Variants in TRANK1 observed in about 807,000 individuals in gnomAD.
The protein encoded by TRANK1 is TPR and ankyrin repeat-containing protein 1.
A neutral mutation model predicts 266.0 loss-of-function variants in TRANK1; 198 were observed. That is an observed-to-expected ratio of 0.74 (90% CI 0.66 to 0.84). The LOEUF (loss-of-function observed/expected upper bound fraction) is 0.84. TRANK1 is among the 40% of genes least tolerant of loss of function. The pLI, the probability that TRANK1 is intolerant of heterozygous loss-of-function variation, is 0.00. For synonymous variants in TRANK1, 1,396 were observed against 1,384.1 expected, an observed-to-expected ratio of 1.01 and a Z score of -0.19; for missense variants, 3,326 against 3,634.6, an observed-to-expected ratio of 0.92 and a Z score of 2.18.
At chr3:36,908,732 C>A (rs1182569724) in intron 1 of TRANK1, among the ~76,000 whole-genome samples, 2 of 152,194 alleles carry the variant, frequency 1.3e-5, no homozygotes, top group Non-Finnish European at 2.9e-5. Context: ...ATGCATGAGA[C>A]AACATAAACC....
Position 36,895,750 on chromosome 3 carries a change from T to C in TRANK1, c.442A>G (p.Ile148Val). The C allele has an allele frequency of 1.3e-6, 2 of 1,529,270 alleles. No homozygotes were observed. The highest frequency in any genetic ancestry group is 1.7e-6 in the Non-Finnish European group (2 of 1,143,758). The allele number at this position is 1,529,270 out of a possible 1,614,324, so 94.7% of individuals were successfully genotyped here. ...GVFTTMSSDS[I>V]VLQSFLPCFD... ...CAAGGCAAGAAACTTTGCAAAACAATGGAGTCACCTAAAAGAAAGTTTCAT... is the reference window on the plus strand; with the variant it reads ...CAAGGCAAGAAACTTTGCAAAACAACGGAGTCACCTAAAAGAAAGTTTCAT... The change falls in exon 5 of 24, where the codon ATT becomes GTT. Residue 148 changes from isoleucine (I) to valine (V), a missense_variant. Ile to Val is a conservative substitution (Grantham distance 29). Coordinates refer to ENST00000645898, the MANE Select transcript of TRANK1 (RefSeq NM_001329998.2).
intron 10 of TRANK1, among the ~76,000 whole-genome samples, chr3:36,861,611 GATAA>G (rs2079143322): frequency 6.6e-6 from 1 of 151,574 alleles, no homozygotes. Flanking sequence ...TTTTTATCAT[GATAA>G]ATAAATGTTT....
intron 1 of TRANK1, among the ~76,000 whole-genome samples, chr3:36,937,904 G>A (rs2080445365): frequency 6.6e-6 from 1 of 152,162 alleles, no homozygotes. Context: ...GATAATAGCA[G>A]CCCAGGCATC....
At position 36,858,605 on chromosome 3, in the gene TRANK1, G is replaced by A. The variant is rs931544625; in HGVS notation, c.1672+113C>T. The A allele has an allele frequency of 6.3e-6, 8 of 1,263,762 alleles. No homozygotes were observed. In the Admixed American group the frequency reaches 2.5e-4, roughly 40 times the overall value. The allele number at this position is 1,263,762 out of a possible 1,614,324, so 78.3% of individuals were successfully genotyped here. A position where few individuals can be genotyped will look rare whatever the true frequency, so the allele number is the denominator to read the frequency against. Reference sequence around the variant, plus strand: ...CATGGGCAGGCCTGGCCAAGAAATGGGCCTTTTTCAGATCACTGGTTTACA... The same window carrying A: ...CATGGGCAGGCCTGGCCAAGAAATGAGCCTTTTTCAGATCACTGGTTTACA... On this transcript the variant is annotated intron_variant, in intron 12 of 23. Coordinates refer to ENST00000645898, the MANE Select transcript of TRANK1 (RefSeq NM_001329998.2).
chr3:36,863,811 T>G (rs2079176331), intron 10 of TRANK1, among the ~76,000 whole-genome samples: 1 of 152,226 alleles, frequency 6.6e-6, no homozygotes, highest in Non-Finnish European at 1.5e-5. Flanking sequence ...CATGCCTTCT[T>G]GCACTCTTTG....
At chr3:36,928,456 C>T (rs770894417) in intron 1 of TRANK1, among the ~76,000 whole-genome samples, 3 of 152,154 alleles carry the variant, frequency 2.0e-5, no homozygotes. Flanking sequence ...ACCAGTACTT[C>T]AAAAGATGCT....
rs1279482638 is a variant in TRANK1, at chr3:36,892,884, T to C, written c.636+17A>G. 3 of 1,099,610 alleles carry C rather than the reference T, an allele frequency of 2.7e-6. No individual in the cohort carries two copies. Among genetic ancestry groups the C allele is most frequent in the Middle Eastern group, 2.2e-4 (1 of 4,504 alleles). The allele number at this position is 1,099,610 out of a possible 1,614,324, so 68.1% of individuals were successfully genotyped here. On this transcript the variant is annotated intron_variant, in intron 6 of 23. Coordinates refer to ENST00000645898, the MANE Select transcript of TRANK1 (RefSeq NM_001329998.2). ...ATATATATATATAGATATATATAGATATATATATCACCTTACCTCAAAGAG... is the reference window on the plus strand; with the variant it reads ...ATATATATATATAGATATATATAGACATATATATCACCTTACCTCAAAGAG...
Position 36,855,691 on chromosome 3 carries a change from G to A in TRANK1, c.4031C>T (p.Ala1344Val). Residue 1344 changes from alanine (A) to valine (V), a missense_variant, in exon 13 of 24, where the codon GCA becomes GTA. Transcript: ENST00000645898. ...AGATTTTATTTCTTTCCAAATCAGT[G>A]CAGGGTTGTAGGCAGTCCTCCCTTT... is the stretch of plus-strand genomic sequence containing the variant. ...MTKGRTAYNP[A>V]LIWKEIKSFL... The A allele has an allele frequency of 6.2e-7, 1 of 1,613,780 alleles. No homozygotes were observed. Among genetic ancestry groups the A allele is most frequent in the South Asian group, 1.1e-5 (1 of 91,074 alleles).
At chr3:36,904,444 CAGG>C (rs1306989840) in intron 2 of TRANK1, among the ~76,000 whole-genome samples, 3 of 151,620 alleles carry the variant, frequency 2.0e-5, no homozygotes, top group Non-Finnish European at 4.4e-5. Flanking sequence ...CGTTTGAACC[CAGG>C]AGGAGGAGAT....
Position 36,833,748 on chromosome 3 carries a change from A to G in TRANK1, c.5835T>C (p.Ser1945=), listed in dbSNP as rs2078731031. The change falls in exon 22 of 24, where the codon TCT becomes TCC. Residue 1945 remains serine (S), a synonymous_variant. Transcript: ENST00000645898. The part of the protein sequence containing the change: ...DIEDQLVFLK[S]RKRLAEAADL... ...CTGCAGCTTCTGCTAAGCGTTTCCG[A>G]GACTTCAAGAACACCAGCTGGTCTT... is the stretch of plus-strand genomic sequence containing the variant. 2 of 1,613,866 alleles carry G rather than the reference A, an allele frequency of 1.2e-6. No individual in the cohort carries two copies. Among genetic ancestry groups the G allele is most frequent in the Admixed American group, 1.7e-5 (1 of 60,000 alleles).
At chr3:36,883,723 G>A (rs1050526540) in intron 8 of TRANK1, among the ~76,000 whole-genome samples, 2 of 152,104 alleles carry the variant, frequency 1.3e-5, no homozygotes, top group Non-Finnish European at 2.9e-5. Flanking sequence ...ATTTCTTTAA[G>A]CCTATCTTTT....
chr3:36,835,689 C>T (rs2078762499), intron 20 of TRANK1, among the ~76,000 whole-genome samples: 1 of 152,114 alleles, frequency 6.6e-6, no homozygotes, highest in Non-Finnish European at 1.5e-5. Context: ...TCAGTACTGT[C>T]CAATAGAAGT....
chr3:36,899,950 C>A (rs1442011706), intron 3 of TRANK1, among the ~76,000 whole-genome samples: 1 of 152,202 alleles, frequency 6.6e-6, no homozygotes, highest in African/African-American at 2.4e-5. Flanking sequence ...CCCTCTAACT[C>A]CTGGGCTCAA....
intron 1 of TRANK1, among the ~76,000 whole-genome samples, chr3:36,923,545 C>T (rs763390104): frequency 7.2e-5 from 11 of 152,116 alleles, no homozygotes; most frequent in Admixed American, 2.6e-4. Flanking sequence ...TGTGAGCCAC[C>T]GCGCCTGGCC....
At chr3:36,839,373 T>C (rs1251246012) in intron 18 of TRANK1, among the ~76,000 whole-genome samples, 1 of 152,182 alleles carries the variant, frequency 6.6e-6, no homozygotes, top group Non-Finnish European at 1.5e-5. Flanking sequence ...ACACAATACA[T>C]GGGCAGGAAG....
chr3:36,855,935 G>A lies in TRANK1; in HGVS notation c.3787C>T (p.Leu1263=). ...TTCAAGCTTCCATCTTCGTTTCTCA[G>A]AAAAAATGGTTTGGGCAGAGAAGCA... The part of the protein sequence containing the change: ...LDASLPKPFF[L]RNEDGSLKRT... Residue 1263 remains leucine (L), a synonymous_variant, in exon 13 of 24, where the codon CTG becomes TTG. Transcript: ENST00000645898. 6.2e-7 allele frequency: 1 copy of A among 1,613,404 alleles called. No homozygotes were observed. Among genetic ancestry groups the A allele is most frequent in the Non-Finnish European group, 8.5e-7 (1 of 1,179,800 alleles).
At chr3:36,855,025 T>C (rs1185543905) in intron 13 of TRANK1, 148 bp downstream of exon 13, 2 of 699,034 alleles carry the variant, frequency 2.9e-6, no homozygotes, top group Non-Finnish European at 4.6e-6. Context: ...TACTATCTCT[T>C]GTCCATGAGC....
At position 36,903,149 on chromosome 3, in the gene TRANK1, C is replaced by G. The variant is rs1043382797; in HGVS notation, c.282G>C (p.Lys94Asn). 14 of 1,537,162 alleles carry G rather than the reference C, an allele frequency of 9.1e-6. No homozygotes were observed. Among genetic ancestry groups the G allele is most frequent in the Non-Finnish European group, 1.2e-5 (14 of 1,146,812 alleles). Residue 94 changes from lysine (K) to asparagine (N), a missense_variant and splice_region_variant, in exon 3 of 24, where the codon AAG becomes AAC. Lys to Asn is a moderately conservative substitution (Grantham distance 94). Coordinates refer to ENST00000645898, the MANE Select transcript of TRANK1 (RefSeq NM_001329998.2). ...ECLQWDPTYVKGYYRAGYSLL... is the reference protein window; with the variant it reads ...ECLQWDPTYVNGYYRAGYSLL... Reference sequence around the variant, plus strand: ...ACACCTTCACCCTCCCACCCCATACCTTCACGTAGGTTGGATCCCATTGGA... The same window carrying G: ...ACACCTTCACCCTCCCACCCCATACGTTCACGTAGGTTGGATCCCATTGGA...
intron 12 of TRANK1, 149 bp from the exon 13 acceptor site, chr3:36,858,198 T>C: frequency 1.5e-6 from 1 of 666,996 alleles, no homozygotes; most frequent in Non-Finnish European, 2.5e-6. Flanking sequence ...AGCTCAGTGG[T>C]TCTCAACCAA....
Sources: allele counts gnomAD v4.1 joint callset (sites outside exome capture counted in the v4.1 genomes callset), GRCh38; gene constraint gnomAD v4.1.1; transcripts MANE v1.5; gene names NCBI Gene and HGNC (gene_info 2026-07-23, HGNC 2026-07-21).